KIAA1328: variants seen among roughly 807,000 people sequenced by gnomAD.
KIAA1328 encodes the protein protein hinderin.
A neutral mutation model predicts 68.1 loss-of-function variants in KIAA1328; 52 were observed. The observed-to-expected ratio is 0.76, with a 90% CI of 0.61 to 0.96. The LOEUF (loss-of-function observed/expected upper bound fraction) is 0.96. Ranked by LOEUF, KIAA1328 falls within the 40% of genes least tolerant of loss-of-function variation. The pLI is 0.00. For synonymous variants in KIAA1328, 232 were observed against 239.4 expected, an observed-to-expected ratio of 0.97 and a Z score of 0.28; for missense variants, 641 against 677.6, an observed-to-expected ratio of 0.95 and a Z score of 0.60.
intron 5 of KIAA1328, among the ~76,000 whole-genome samples, chr18:36,945,213 A>G (rs1372915477): frequency 1.3e-5 from 2 of 152,178 alleles, no homozygotes; most frequent in African/African-American, 2.4e-5. Context: ...CTATTCCTCT[A>G]TAACATTTCT....
chr18:36,958,807 C>T lies in KIAA1328; in HGVS notation c.449-501C>T, dbSNP rs116486635. Among the ~76,000 whole-genome samples the T allele has an allele frequency of 6.7e-3, 1,021 of 151,780 alleles. 16 individuals are homozygous for T. Among genetic ancestry groups the T allele is most frequent in the African/African-American group, 0.023 (946 of 41,414 alleles). On this transcript the variant is annotated intron_variant, in intron 5 of 9. Coordinates refer to ENST00000280020, the MANE Select transcript of KIAA1328 (RefSeq NM_020776.3). ...TGTTTTTTCAAATTTAAAATAATGC[C>T]TTTTGAAACACAATCATTTTACATT...
Position 36,909,245 on chromosome 18 carries a change from T to A in KIAA1328, c.448+23573T>A, listed in dbSNP as rs145045160. Among the ~76,000 whole-genome samples, 983 of 152,122 alleles carry A rather than the reference T, an allele frequency of 6.5e-3. 15 individuals are homozygous for A. The highest frequency in any genetic ancestry group is 0.022 in the African/African-American group (909 of 41,490). On this transcript the variant is annotated intron_variant, in intron 5 of 9. Transcript: ENST00000280020. The stretch of plus-strand genomic sequence containing the variant: ...TGTGCTGCACCCATTAACTCGTCAT[T>A]TACATTAGGTATATCTCCTAATGCT...
intron 5 of KIAA1328, among the ~76,000 whole-genome samples, chr18:36,914,611 T>A (rs2049608300): frequency 6.6e-6 from 1 of 151,740 alleles, no homozygotes; most frequent in Admixed American, 6.6e-5. Context: ...TCCCAGCTAC[T>A]TGGGAGGCTG....
At chr18:37,092,024 G>A (rs1007635583) in intron 7 of KIAA1328, among the ~76,000 whole-genome samples, 2 of 152,064 alleles carry the variant, frequency 1.3e-5, no homozygotes, top group African/African-American at 4.8e-5. Flanking sequence ...CTTAGGCTAG[G>A]CCCATTCTAC....
intron 4 of KIAA1328, among the ~76,000 whole-genome samples, chr18:36,865,629 C>T (rs1025254819): frequency 6.6e-6 from 1 of 152,016 alleles, no homozygotes; most frequent in African/African-American, 2.4e-5. Flanking sequence ...GTTGCTACTC[C>T]CTCTGCTGCA....
chr18:36,873,203 G>T (rs2048005412), intron 4 of KIAA1328, among the ~76,000 whole-genome samples: 1 of 151,966 alleles, frequency 6.6e-6, no homozygotes, highest in African/African-American at 2.4e-5. Flanking sequence ...TTTACTATAA[G>T]CACCAAAAAG....
intron 9 of KIAA1328, among the ~76,000 whole-genome samples, chr18:37,200,529 C>T (rs890697426): frequency 6.6e-6 from 1 of 152,114 alleles, no homozygotes; most frequent in East Asian, 1.9e-4. Flanking sequence ...AAGGAGCTGT[C>T]GGCCGGGCGC....
chr18:37,071,544 A>C (rs2056534991), intron 7 of KIAA1328, among the ~76,000 whole-genome samples: 1 of 152,188 alleles, frequency 6.6e-6, no homozygotes, highest in Admixed American at 6.5e-5. Context: ...TAGCATTGAC[A>C]TTATAGTAGG....
intron 5 of KIAA1328, among the ~76,000 whole-genome samples, chr18:36,912,807 T>C (rs891575134): frequency 6.6e-6 from 1 of 152,218 alleles, no homozygotes; most frequent in Non-Finnish European, 1.5e-5. Context: ...AGAATGATCT[T>C]TCCTAAGGTA....
rs187353582 is a variant in KIAA1328, at chr18:36,937,321, C to T, written c.449-21987C>T. Among the ~76,000 whole-genome samples, 497 of 152,260 alleles carry T rather than the reference C, an allele frequency of 3.3e-3. 1 individual carries two copies. The highest frequency in any genetic ancestry group is 4.0e-3 in the Non-Finnish European group (271 of 68,000). ...ACGGGCAAAGACTTCATGACAAAAA[C>T]GCCAAAAGCAATTGCAACAAAAGCC... On this transcript the variant is annotated intron_variant, in intron 5 of 9. Transcript: ENST00000280020.
chr18:36,982,946 A>G lies in KIAA1328; in HGVS notation c.576+23511A>G, dbSNP rs889648848. Among the ~76,000 whole-genome samples the G allele has an allele frequency of 2.6e-5, 4 of 152,034 alleles. No homozygotes were observed. In the East Asian group the frequency reaches 5.8e-4, roughly 22 times the overall value. On this transcript the variant is annotated intron_variant, in intron 6 of 9. Coordinates refer to ENST00000280020, the MANE Select transcript of KIAA1328 (RefSeq NM_020776.3). ...ATAGGCTGTGATAAGCTAAAGCTGT[A>G]TAATAGTAACCTTAAAGCAACCACT...
chr18:36,877,063 T>C (rs368143680), intron 4 of KIAA1328, among the ~76,000 whole-genome samples: 4 of 152,242 alleles, frequency 2.6e-5, no homozygotes, highest in African/African-American at 9.6e-5. Flanking sequence ...ATTTCCAATC[T>C]TTTGCATTTG....
At chr18:36,881,009 A>G (rs1317013837) in intron 4 of KIAA1328, among the ~76,000 whole-genome samples, 1 of 152,132 alleles carries the variant, frequency 6.6e-6, no homozygotes, top group Non-Finnish European at 1.5e-5. Flanking sequence ...CTTATCAGAT[A>G]GATTGGATTA....
chr18:36,943,417 A>G (rs2050781367), intron 5 of KIAA1328, among the ~76,000 whole-genome samples: 1 of 152,180 alleles, frequency 6.6e-6, no homozygotes, highest in African/African-American at 2.4e-5. Context: ...CATGGTTTAT[A>G]TATTTCAGAG....
intron 9 of KIAA1328, among the ~76,000 whole-genome samples, chr18:37,212,230 T>C (rs1433813070): frequency 6.6e-6 from 1 of 152,238 alleles, no homozygotes; most frequent in Non-Finnish European, 1.5e-5. Context: ...ATGTGTTGAT[T>C]GAACATAGAA....
chr18:36,951,604 C>T (rs1434027715), intron 5 of KIAA1328, among the ~76,000 whole-genome samples: 1 of 152,164 alleles, frequency 6.6e-6, no homozygotes, highest in East Asian at 1.9e-4. Flanking sequence ...ATTTCACGCC[C>T]AGGGATCCAA....
chr18:37,225,352 A>C, downstream of KIAA1328: 1 of 976,796 alleles, frequency 1.0e-6, no homozygotes, highest in Non-Finnish European at 1.2e-6. Flanking sequence ...TTGATATTGA[A>C]TTGTCCCTTG....
At chr18:37,012,934 T>G (rs932434166) in intron 6 of KIAA1328, among the ~76,000 whole-genome samples, 1 of 152,040 alleles carries the variant, frequency 6.6e-6, no homozygotes, top group Non-Finnish European at 1.5e-5. Flanking sequence ...AGCATGGGGG[T>G]TTATACTCAG....
Position 37,126,645 on chromosome 18 carries a change from A to G in KIAA1328, c.1233-33555A>G, listed in dbSNP as rs190348503. On this transcript the variant is annotated intron_variant, in intron 7 of 9. Coordinates refer to ENST00000280020, the MANE Select transcript of KIAA1328 (RefSeq NM_020776.3). ...TACTTTGATACCAAAATCAAAGATT[A>G]TAAGAAAAGAACACTACATACCAAT... 5.1e-4 allele frequency among the ~76,000 whole-genome samples: 78 copies of G among 152,300 alleles called. 1 individual carries two copies. The highest frequency in any genetic ancestry group is 1.7e-3 in the African/African-American group (71 of 41,582).
Sources: allele counts gnomAD v4.1 joint callset (sites outside exome capture counted in the v4.1 genomes callset), GRCh38; gene constraint gnomAD v4.1.1; transcripts MANE v1.5; gene names NCBI Gene and HGNC (gene_info 2026-07-23, HGNC 2026-07-21).